SLC35F1: variants seen among roughly 807,000 people sequenced by gnomAD.
SLC35F1 encodes chromosome 6 open reading frame 169.
A neutral mutation model predicts 48.7 loss-of-function variants in SLC35F1; 14 were observed. That is an observed-to-expected ratio of 0.29 (90% confidence interval 0.19 to 0.45). The LOEUF (loss-of-function observed/expected upper bound fraction) is 0.45, where lower values mean the gene tolerates loss of function less well. Ranked by LOEUF, SLC35F1 falls within the 20% of genes least tolerant of loss-of-function variation. SLC35F1 has a pLI of 1.00. For synonymous variants in SLC35F1, 190 were observed against 202.2 expected (o/e 0.94, Z 0.51); for missense variants, 404 against 500.0 (o/e 0.81, Z 1.83).
At chr6:118,011,198 G>A (rs1040866178) in intron 1 of SLC35F1, among the ~76,000 whole-genome samples, 37 of 152,108 alleles carry the variant, frequency 2.4e-4, no homozygotes, top group Admixed American at 4.6e-4. Flanking sequence ...TAAGGAATGC[G>A]TTATTAGTCC....
chr6:118,234,150 G>A (rs1432989854), intron 2 of SLC35F1, among the ~76,000 whole-genome samples: 2 of 152,172 alleles, frequency 1.3e-5, no homozygotes, highest in Non-Finnish European at 2.9e-5. Context: ...ACCAGCTGAA[G>A]TACATCTCTA....
chr6:117,939,931 G>T (rs1372225242), intron 1 of SLC35F1, among the ~76,000 whole-genome samples: 1 of 152,124 alleles, frequency 6.6e-6, no homozygotes. Context: ...GCCCAGCACA[G>T]CATGGAAGGT....
intron 2 of SLC35F1, among the ~76,000 whole-genome samples, chr6:118,161,377 C>A (rs1356419625): frequency 1.3e-5 from 2 of 151,950 alleles, no homozygotes; most frequent in East Asian, 3.9e-4. Flanking sequence ...GTTCTGCTCA[C>A]TCACAGCCCA....
chr6:118,042,021 G>A (rs1399910429), intron 1 of SLC35F1, among the ~76,000 whole-genome samples: 3 of 151,496 alleles, frequency 2.0e-5, no homozygotes, highest in Non-Finnish European at 4.4e-5. Context: ...GACACTCTCT[G>A]CCTCATTTCT....
intron 2 of SLC35F1, among the ~76,000 whole-genome samples, chr6:118,168,640 C>A (rs1039611677): frequency 5.9e-5 from 9 of 152,126 alleles, no homozygotes; most frequent in Non-Finnish European, 1.3e-4. Context: ...TCTCGTCTTC[C>A]TTTACGAGCA....
At chr6:117,942,810 T>A (rs1271709212) in intron 1 of SLC35F1, among the ~76,000 whole-genome samples, 1 of 152,236 alleles carries the variant, frequency 6.6e-6, no homozygotes, top group African/African-American at 2.4e-5. Flanking sequence ...TTATCATTGT[T>A]GTTAGCAAAA....
chr6:118,254,479 A>G (rs1375000439), intron 3 of SLC35F1, among the ~76,000 whole-genome samples: 1 of 152,020 alleles, frequency 6.6e-6, no homozygotes, highest in Non-Finnish European at 1.5e-5. Context: ...ATGGGGTCTC[A>G]CTTTGTTGCC....
Position 118,051,171 on chromosome 6 carries a change from A to G in SLC35F1, c.174-103274A>G, listed in dbSNP as rs575084895. On this transcript the variant is annotated intron_variant, in intron 1 of 7. Transcript: ENST00000360388. ...TTACTTCAAAGTCAGTTTCCTAGTT[A>G]TCTGGATTGTCGACTTTTACCATTT... is the stretch of plus-strand genomic sequence containing the variant. Among the ~76,000 whole-genome samples, 17 of 152,294 alleles carry G rather than the reference A, an allele frequency of 1.1e-4. No homozygotes were observed. In the South Asian group the frequency reaches 3.5e-3, roughly 32 times the overall value.
intron 1 of SLC35F1, among the ~76,000 whole-genome samples, chr6:118,150,108 C>T (rs181600100): frequency 7.5e-4 from 114 of 152,300 alleles, no homozygotes; most frequent in African/African-American, 2.6e-3. Flanking sequence ...CGTAACTTCT[C>T]TAAGCATCAG....
At chr6:117,987,852 T>C (rs1044358283) in intron 1 of SLC35F1, among the ~76,000 whole-genome samples, 1 of 152,180 alleles carries the variant, frequency 6.6e-6, no homozygotes, top group African/African-American at 2.4e-5. Context: ...TAACTGACAA[T>C]ATTCATTGGC....
intron 2 of SLC35F1, among the ~76,000 whole-genome samples, chr6:118,216,244 ATTTT>A (rs888197163): frequency 6.8e-6 from 1 of 146,904 alleles, no homozygotes; most frequent in Non-Finnish European, 1.5e-5. Flanking sequence ...TGCCTGGCTA[ATTTT>A]TTTTTTTAAT....
At chr6:117,911,085 C>G (rs1426045192) in intron 1 of SLC35F1, among the ~76,000 whole-genome samples, 1 of 152,104 alleles carries the variant, frequency 6.6e-6, no homozygotes, top group Non-Finnish European at 1.5e-5. Context: ...ATTTTGTACA[C>G]AACAATTGGG....
intron 7 of SLC35F1, among the ~76,000 whole-genome samples, chr6:118,300,659 A>C (rs1341581637): frequency 2.0e-5 from 3 of 152,206 alleles, no homozygotes; most frequent in Admixed American, 2.0e-4. Context: ...ATCAGTTTTA[A>C]TTGACAAATA....
chr6:118,039,149 C>G (rs1465399681), intron 1 of SLC35F1, among the ~76,000 whole-genome samples: 4 of 152,042 alleles, frequency 2.6e-5, no homozygotes, highest in Admixed American at 6.6e-5. Context: ...GTTTCAACAG[C>G]TTTTTTCTTT....
At chr6:118,272,757 A>C (rs978053473) in intron 4 of SLC35F1, among the ~76,000 whole-genome samples, 1 of 117,424 alleles carries the variant, frequency 8.5e-6, no homozygotes, top group Non-Finnish European at 1.9e-5. Flanking sequence ...ATACATATAT[A>C]TATATATGTA....
chr6:117,972,780 A>C (rs1312084433), intron 1 of SLC35F1, among the ~76,000 whole-genome samples: 1 of 152,202 alleles, frequency 6.6e-6, no homozygotes, highest in Non-Finnish European at 1.5e-5. Context: ...TATGGAAACT[A>C]CAATTCAAGA....
intron 1 of SLC35F1, among the ~76,000 whole-genome samples, chr6:118,140,295 C>A (rs1201395153): frequency 2.6e-5 from 4 of 152,116 alleles, no homozygotes; most frequent in African/African-American, 9.7e-5. Context: ...TGATTAGAGT[C>A]AATGATGGAC....
intron 1 of SLC35F1, among the ~76,000 whole-genome samples, chr6:118,030,698 G>A (rs929075677): frequency 1.5e-4 from 23 of 152,010 alleles, no homozygotes; most frequent in African/African-American, 5.3e-4. Flanking sequence ...AATCAAACAT[G>A]GATTTGTTGG....
chr6:117,907,813 G>A lies in SLC35F1; in HGVS notation c.87G>A (p.Leu29=). 6.4e-7 allele frequency: 1 copy of A among 1,551,692 alleles called. No individual in the cohort carries two copies. Among genetic ancestry groups the A allele is most frequent in the African/African-American group, 1.4e-5 (1 of 70,422 alleles). The change falls in exon 1 of 8, where the codon CTG becomes CTA. Residue 29 remains leucine (L), a synonymous_variant. Coordinates refer to ENST00000360388, the MANE Select transcript of SLC35F1 (RefSeq NM_001029858.4). The stretch of plus-strand genomic sequence containing the variant: ...ATGTGGTGACCACCATCGAGAACCT[G>A]CCGGCCGAGGGCAGCGGCGGCGGCG... The part of the protein sequence containing the change: ...PNHVVTTIEN[L]PAEGSGGGGS...
Sources: allele counts gnomAD v4.1 joint callset (sites outside exome capture counted in the v4.1 genomes callset), GRCh38; gene constraint gnomAD v4.1.1; transcripts MANE v1.5; gene names NCBI Gene and HGNC (gene_info 2026-07-23, HGNC 2026-07-21).